The following SP4 variants were observed in gnomAD, a reference collection of about 807,000 sequenced individuals.
SP4 encodes the protein Sp4 transcription factor.
SP4 carries 19 observed loss-of-function variants against 72.8 expected under a neutral mutation model. The observed-to-expected ratio is 0.26, with a 90% CI of 0.18 to 0.38. The LOEUF is 0.38. Ranked by LOEUF, SP4 falls within the 10% of genes least tolerant of loss-of-function variation. The pLI is 1.00. For missense variants in SP4, 1,008 were observed against 926.3 expected (o/e 1.09, Z -1.14); for synonymous variants, 395 against 333.1 (o/e 1.19, Z -2.02).
intron 3 of SP4, among the ~76,000 whole-genome samples, chr7:21,448,771 G>A (rs1783500647): frequency 6.6e-6 from 1 of 152,040 alleles, no homozygotes; most frequent in Admixed American, 6.6e-5. Context: ...ATGTGTGTAT[G>A]TTTAACATTT....
intron 3 of SP4, among the ~76,000 whole-genome samples, chr7:21,454,080 G>T (rs920568462): frequency 6.6e-6 from 1 of 152,054 alleles, no homozygotes; most frequent in African/African-American, 2.4e-5. Context: ...TTAACTCTTA[G>T]CAGCTTTTAC....
intron 3 of SP4, among the ~76,000 whole-genome samples, chr7:21,439,852 A>G (rs994515648): frequency 5.9e-5 from 9 of 152,194 alleles, no homozygotes; most frequent in African/African-American, 1.9e-4. Flanking sequence ...ATAGTAAGCT[A>G]TGATTGTCAC....
intron 4 of SP4, among the ~76,000 whole-genome samples, chr7:21,478,159 T>C (rs187323748): frequency 6.6e-6 from 1 of 152,332 alleles, no homozygotes; most frequent in African/African-American, 2.4e-5. Context: ...TAGCATAATG[T>C]TTTCAAGGTT....
chr7:21,428,582 CG>C lies in SP4; in HGVS notation c.8-89del, dbSNP rs942909083. The C allele has an allele frequency of 3.1e-4, 392 of 1,255,098 alleles. 1 individual carries two copies. The highest frequency in any genetic ancestry group is 3.5e-4 in the Admixed American group (14 of 40,202). 77.7% of individuals were successfully genotyped at this position (1,255,098 alleles called of 1,614,324 possible). ...TCGCGGGTTTATGGAGATTAATGTTCGGGGGGAGGGGGGAGAAGAGGAGAGG... is the reference window on the plus strand; with the variant it reads ...TCGCGGGTTTATGGAGATTAATGTTCGGGGGAGGGGGGAGAAGAGGAGAGG... On this transcript the variant is annotated intron_variant, in intron 1 of 5. Coordinates refer to ENST00000222584, the MANE Select transcript of SP4 (RefSeq NM_003112.5).
intron 5 of SP4, among the ~76,000 whole-genome samples, chr7:21,508,256 C>T (rs1221579906): frequency 6.6e-6 from 1 of 152,210 alleles, no homozygotes; most frequent in Non-Finnish European, 1.5e-5. Context: ...ACAGATTCAC[C>T]TGTCCAAACC....
chr7:21,428,339 C>A, intron 1 of SP4, 81 bp downstream of exon 1: 2 of 742,556 alleles, frequency 2.7e-6, no homozygotes, highest in Non-Finnish European at 4.9e-6. Flanking sequence ...GGTTCTCCCC[C>A]CTCCCCCGGG....
chr7:21,487,802 TG>T (rs1784862486), intron 5 of SP4, among the ~76,000 whole-genome samples: 1 of 151,792 alleles, frequency 6.6e-6, no homozygotes, highest in Non-Finnish European at 1.5e-5. Flanking sequence ...GTGGTGGTCA[TG>T]GTGGTGATTT....
intron 5 of SP4, among the ~76,000 whole-genome samples, chr7:21,503,526 A>G (rs113241961): frequency 6.6e-6 from 1 of 152,218 alleles, no homozygotes; most frequent in Non-Finnish European, 1.5e-5. Context: ...TAAACCTTCC[A>G]TAATTCACCT....
rs1225626758 is a variant in SP4 at position 21,429,599 on chromosome 7, C to T, written c.434C>T (p.Ser145Phe). 1.9e-6 allele frequency: 3 copies of T among 1,614,050 alleles called. No homozygotes were observed. The highest frequency in any genetic ancestry group is 1.7e-5 in the Admixed American group (1 of 60,010). Residue 145 changes from serine to phenylalanine, a missense_variant, in exon 3 of 6, where the codon TCT (serine) becomes TTT (phenylalanine). Physicochemically the swap from Ser to Phe is radical, Grantham distance 155 (BLOSUM62 -2). Transcript: ENST00000222584. ...CCTACAAAAACTAAATCAGGTAATT[C>T]TTCCACCCCTGGTCAATTTCAAGTC... ...ASPTKTKSGN[S>F]STPGQFQVIQ...
intron 5 of SP4, among the ~76,000 whole-genome samples, chr7:21,493,214 C>T (rs1333432768): frequency 7.2e-6 from 1 of 139,392 alleles, no homozygotes; most frequent in Non-Finnish European, 1.5e-5. Flanking sequence ...AAAAAAAAAT[C>T]ATACGAAGTA....
chr7:21,487,432 T>TA (rs1009012831), intron 5 of SP4, among the ~76,000 whole-genome samples: 1 of 151,064 alleles, frequency 6.6e-6, no homozygotes, highest in African/African-American at 2.4e-5. Context: ...TTTTTGGTCT[T>TA]ACAGTTTTTC....
At chr7:21,482,802 GT>G in intron 5 of SP4, 1 of 965,354 alleles carries the variant, frequency 1.0e-6, no homozygotes, top group Non-Finnish European at 1.2e-6. Context: ...AATTTCACTT[GT>G]TTTGAGATCT....
Position 21,465,492 on chromosome 7 carries a change from C to G in SP4, c.1679-11587C>G, listed in dbSNP as rs117055256. 7.2e-3 allele frequency among the ~76,000 whole-genome samples: 1,091 copies of G among 152,302 alleles called. 6 individuals are homozygous for G. Among genetic ancestry groups the G allele is most frequent in the Middle Eastern group, 0.02 (6 of 294 alleles). On this transcript the variant is annotated intron_variant, in intron 3 of 5. Transcript: ENST00000222584. The stretch of plus-strand genomic sequence containing the variant: ...CATAACCTCCCCAAATCTTAGAAGA[C>G]AGCATTAGACAAAGTATAGGTGTAA...
chr7:21,508,406 A>C (rs972264251), intron 5 of SP4, among the ~76,000 whole-genome samples: 1 of 151,876 alleles, frequency 6.6e-6, no homozygotes, highest in African/African-American at 2.4e-5. Context: ...TCTCACTGCA[A>C]CCTCCACCCC....
chr7:21,503,717 C>T (rs1562630207), intron 5 of SP4, among the ~76,000 whole-genome samples: 1 of 152,202 alleles, frequency 6.6e-6, no homozygotes, highest in Non-Finnish European at 1.5e-5. Context: ...CTTTAGTCTT[C>T]CTACTTTGGG....
intron 3 of SP4, among the ~76,000 whole-genome samples, chr7:21,461,345 C>T (rs1031376015): frequency 2.0e-5 from 3 of 152,188 alleles, no homozygotes; most frequent in Admixed American, 2.0e-4. Context: ...GGGGTAGACT[C>T]AGGCATGGTG....
chr7:21,446,947 C>A (rs1783445910), intron 3 of SP4, among the ~76,000 whole-genome samples: 1 of 151,864 alleles, frequency 6.6e-6, no homozygotes, highest in African/African-American at 2.4e-5. Context: ...AGGTTTAAGT[C>A]ATTTTTAGGA....
At chr7:21,494,194 G>C (rs60126871) in intron 5 of SP4, among the ~76,000 whole-genome samples, 2,777 of 152,248 alleles carry the variant, frequency 0.018, 77 homozygotes, top group African/African-American at 0.064. Context: ...TAATGATGAA[G>C]GACCTTTTGC....
Position 21,430,851 on chromosome 7 carries a change from C to T in SP4, c.1678+8C>T. On this transcript the variant is annotated splice_region_variant and intron_variant, in intron 3 of 5. Transcript: ENST00000222584. ...CAATCACTAGTGTTGCAGGTAAGTT[C>T]TGACATCTTTTTAAGTACCTTTTAA... 2 of 1,575,014 alleles carry T rather than the reference C, an allele frequency of 1.3e-6. No homozygotes were observed. Among genetic ancestry groups the T allele is most frequent in the Non-Finnish European group, 1.7e-6 (2 of 1,155,122 alleles).
Sources: allele counts gnomAD v4.1 joint callset (sites outside exome capture counted in the v4.1 genomes callset), GRCh38; gene constraint gnomAD v4.1.1; transcripts MANE v1.5; gene names NCBI Gene and HGNC (gene_info 2026-07-23, HGNC 2026-07-21).